Variants in SMG6 observed in about 807,000 individuals in gnomAD.
SMG6 encodes the protein SMG6 nonsense mediated mRNA decay factor, also known as telomerase-binding protein EST1A.
SMG6 carries 66 observed loss-of-function variants against 142.2 expected under a neutral mutation model. That is an observed-to-expected ratio of 0.46 (90% confidence interval 0.38 to 0.57). The LOEUF (loss-of-function observed/expected upper bound fraction) is 0.57. SMG6 is among the 20% of genes least tolerant of loss of function. SMG6 has a pLI of 0.00. For missense variants in SMG6, 1,793 were observed against 1,832.0 expected (o/e 0.98, Z 0.39); for synonymous variants, 779 against 702.4 (o/e 1.11, Z -1.72).
chr17:2,268,513 C>T (rs1359905142), intron 8 of SMG6, among the ~76,000 whole-genome samples: 1 of 152,148 alleles, frequency 6.6e-6, no homozygotes, highest in East Asian at 1.9e-4. Context: ...TGACTCATGC[C>T]TGTAATCCCA....
intron 13 of SMG6, among the ~76,000 whole-genome samples, chr17:2,152,238 G>C (rs943859887): frequency 6.6e-6 from 1 of 152,142 alleles, no homozygotes; most frequent in African/African-American, 2.4e-5. Context: ...AATTCAGTTT[G>C]GCCCACCCCT....
At position 2,297,884 on chromosome 17, in the gene SMG6, T is replaced by C; in HGVS notation, c.2019A>G (p.Arg673=). The C allele has an allele frequency of 6.2e-7, 1 of 1,611,534 alleles. No individual in the cohort carries two copies. The highest frequency in any genetic ancestry group is 8.5e-7 in the Non-Finnish European group (1 of 1,180,006). The change falls in exon 3 of 19, where the codon AGA becomes AGG. Residue 673 remains arginine (R), a synonymous_variant. Transcript: ENST00000263073. ...NVENPEQIRN[R]LLELLDEGSD... ...TTACCTCATCCAAGAGCTCCAAAAG[T>C]CTGTTCCGAATCTGTTCTGGGTTCT...
intron 8 of SMG6, 28 bp from the exon 9 acceptor site, chr17:2,244,747 A>C: frequency 2.5e-6 from 4 of 1,591,870 alleles, no homozygotes; most frequent in Non-Finnish European, 3.4e-6. Context: ...AGAGGAGAAA[A>C]CAATTAAACT....
At position 2,299,012 on chromosome 17, in the gene SMG6, G is replaced by C; in HGVS notation, c.1741C>G (p.Leu581Val). 2 of 1,614,192 alleles carry C rather than the reference G, an allele frequency of 1.2e-6. No individual in the cohort carries two copies. The highest frequency in any genetic ancestry group is 1.7e-6 in the Non-Finnish European group (2 of 1,180,040). Reference sequence around the variant, plus strand: ...TCAGCCACCCGGAGAAGCCTGTGCAGCTCCTGTTGCTGCAGGTTCCTCATG... The same window carrying C: ...TCAGCCACCCGGAGAAGCCTGTGCACCTCCTGTTGCTGCAGGTTCCTCATG... ...QHMRNLQQQE[L>V]HRLLRVADNQ... Residue 581 changes from leucine (L) to valine (V), a missense_variant, in exon 2 of 19, where the codon CTG becomes GTG. Transcript: ENST00000263073. This position sits in a 1 kb window ranked among gnomAD's most constrained non-coding sequence, Gnocchi z 4.3.
chr17:2,196,565 A>G (rs2072334454), intron 10 of SMG6, among the ~76,000 whole-genome samples: 1 of 152,244 alleles, frequency 6.6e-6, no homozygotes, highest in African/African-American at 2.4e-5. Flanking sequence ...GGTTTTATGT[A>G]GACAATAGAT....
At chr17:2,144,275 C>A (rs2151581921) in intron 13 of SMG6, among the ~76,000 whole-genome samples, 1 of 152,112 alleles carries the variant, frequency 6.6e-6, no homozygotes, top group Non-Finnish European at 1.5e-5. Flanking sequence ...ACCTCGAGAC[C>A]AGGCTGGTCT....
chr17:2,277,396 G>T (rs955029380), intron 8 of SMG6, among the ~76,000 whole-genome samples: 2 of 151,714 alleles, frequency 1.3e-5, no homozygotes, highest in Admixed American at 6.6e-5. Context: ...TCGATCTCCT[G>T]ACCTCGTGAT....
chr17:2,067,320 G>A (rs540907921), intron 16 of SMG6, among the ~76,000 whole-genome samples: 2 of 152,170 alleles, frequency 1.3e-5, no homozygotes, highest in East Asian at 1.9e-4. Context: ...CCTGGGGTAC[G>A]ATCAGTCCTG....
intron 8 of SMG6, among the ~76,000 whole-genome samples, chr17:2,269,574 A>C (rs537418261): frequency 6.6e-6 from 1 of 152,240 alleles, no homozygotes; most frequent in South Asian, 2.1e-4. Flanking sequence ...TCCTTTGCTA[A>C]CCAACTTTCA....
At chr17:2,257,294 C>A (rs1474415888) in intron 8 of SMG6, among the ~76,000 whole-genome samples, 1 of 152,006 alleles carries the variant, frequency 6.6e-6, no homozygotes, top group African/African-American at 2.4e-5. Flanking sequence ...CCACGTTGGC[C>A]AGGATGGTCT....
chr17:2,141,124 T>A (rs2070466352), intron 13 of SMG6, among the ~76,000 whole-genome samples: 4 of 152,244 alleles, frequency 2.6e-5, no homozygotes, highest in Non-Finnish European at 4.4e-5. Context: ...TCGGTTGCAC[T>A]AGCCACATTT....
At position 2,065,485 on chromosome 17, in the gene SMG6, C is replaced by T. The variant is rs762926245; in HGVS notation, c.4030G>A (p.Asp1344Asn). 2.5e-5 allele frequency: 40 copies of T among 1,612,904 alleles called. No individual in the cohort carries two copies. The highest frequency in any genetic ancestry group is 3.4e-5 in the Non-Finnish European group (40 of 1,179,962). Residue 1344 changes from aspartate (D) to asparagine (N), a missense_variant, in exon 17 of 19, where the codon GAC (aspartate) becomes AAC (asparagine). Asp to Asn is a conservative substitution (Grantham distance 23, BLOSUM62 1). This residue lies in a region of SMG6 where 179 missense variants were observed against 212.6 expected (regional missense o/e 0.84). Transcript: ENST00000263073. ...ELESIAFRSE[D>N]ITGQLGNNDD... ...GGTCTCACCAGCTGGCCAGTGATGT[C>T]CTCACTGCGGAAGGCGATGGATTCG...
intron 13 of SMG6, among the ~76,000 whole-genome samples, chr17:2,104,981 A>C (rs2069114828): frequency 6.6e-6 from 1 of 151,544 alleles, no homozygotes; most frequent in African/African-American, 2.4e-5. Context: ...CAATGGTGTG[A>C]TCTTGGCTCA....
chr17:2,143,252 A>G (rs918201409), intron 13 of SMG6, among the ~76,000 whole-genome samples: 5 of 152,244 alleles, frequency 3.3e-5, no homozygotes, highest in Non-Finnish European at 4.4e-5. Context: ...AAATGAAAAC[A>G]TATGTCCACA....
At chr17:2,098,607 C>A (rs1326833301) in intron 13 of SMG6, among the ~76,000 whole-genome samples, 1 of 152,140 alleles carries the variant, frequency 6.6e-6, no homozygotes, top group African/African-American at 2.4e-5. Context: ...AATGCATTCC[C>A]TTCTCAGGTT....
intron 13 of SMG6, among the ~76,000 whole-genome samples, chr17:2,098,190 C>T (rs1597380784): frequency 6.6e-6 from 1 of 152,204 alleles, no homozygotes; most frequent in South Asian, 2.1e-4. Context: ...CCATATTGCC[C>T]CAGTTGGTCT....
chr17:2,095,822 C>T (rs1009969451), intron 13 of SMG6, among the ~76,000 whole-genome samples: 26 of 152,186 alleles, frequency 1.7e-4, no homozygotes, highest in African/African-American at 5.8e-4. Flanking sequence ...AAATCCCAAG[C>T]TCCTTGCAAA....
intron 13 of SMG6, among the ~76,000 whole-genome samples, chr17:2,155,875 C>G (rs956976694): frequency 6.6e-6 from 1 of 152,176 alleles, no homozygotes; most frequent in African/African-American, 2.4e-5. Context: ...AATCCACACG[C>G]TCCTGATCCT....
At chr17:2,256,495 G>C (rs2074183258) in intron 8 of SMG6, among the ~76,000 whole-genome samples, 1 of 152,018 alleles carries the variant, frequency 6.6e-6, no homozygotes, top group Non-Finnish European at 1.5e-5. Context: ...AGCACGGTGG[G>C]TCACGCCTGT....
Sources: allele counts gnomAD v4.1 joint callset (sites outside exome capture counted in the v4.1 genomes callset), GRCh38; gene constraint gnomAD v4.1.1; regional missense constraint gnomAD v4.1.1; non-coding constraint Gnocchi (gnomAD v3.1); transcripts MANE v1.5; gene names NCBI Gene and HGNC (gene_info 2026-07-23, HGNC 2026-07-21).